The following CPNE8 variants were observed in gnomAD, a reference collection of about 807,000 sequenced individuals.
CPNE8 encodes the protein copine-8.
A neutral mutation model predicts 81.5 loss-of-function variants in CPNE8; 45 were observed. The observed-to-expected ratio is 0.55, with a 90% CI of 0.44 to 0.71. The LOEUF (loss-of-function observed/expected upper bound fraction) is 0.71. Among genes scored for constraint, CPNE8 ranks in the 30% least tolerant of loss-of-function variants. CPNE8 has a pLI of 0.00. For synonymous variants in CPNE8, 252 were observed against 226.3 expected (o/e 1.11, Z -1.02); for missense variants, 594 against 672.1 (o/e 0.88, Z 1.28).
intron 6 of CPNE8, among the ~76,000 whole-genome samples, chr12:38,817,449 C>T (rs572344464): frequency 1.3e-5 from 2 of 152,040 alleles, no homozygotes; most frequent in African/African-American, 4.8e-5. Flanking sequence ...GGGTAACAGA[C>T]ACCAGGAAGG....
chr12:38,664,131 A>T (rs886595235), intron 19 of CPNE8, among the ~76,000 whole-genome samples: 1 of 152,102 alleles, frequency 6.6e-6, no homozygotes, highest in Non-Finnish European at 1.5e-5. Context: ...CAGAATTTTG[A>T]ATGTGCCCAA....
At chr12:38,701,220 A>G (rs1412337241) in intron 14 of CPNE8, among the ~76,000 whole-genome samples, 1 of 152,142 alleles carries the variant, frequency 6.6e-6, no homozygotes, top group Non-Finnish European at 1.5e-5. Context: ...AGTTGTTAGA[A>G]TTTACCAGTG....
intron 16 of CPNE8, among the ~76,000 whole-genome samples, chr12:38,678,630 T>C (rs939768172): frequency 6.6e-6 from 1 of 151,902 alleles, no homozygotes; most frequent in African/African-American, 2.4e-5. Context: ...AAAACGTATG[T>C]CAGGGCACAA....
intron 6 of CPNE8, among the ~76,000 whole-genome samples, chr12:38,802,630 C>G (rs1241011741): frequency 1.3e-5 from 2 of 150,754 alleles, no homozygotes; most frequent in Non-Finnish European, 3.0e-5. Flanking sequence ...CATTCAAAAG[C>G]TGGCAGAAGG....
At chr12:38,785,471 C>T (rs1942163092) in intron 6 of CPNE8, among the ~76,000 whole-genome samples, 1 of 152,024 alleles carries the variant, frequency 6.6e-6, no homozygotes, top group African/African-American at 2.4e-5. Context: ...GTAATTGAAT[C>T]ATGAAGGCAG....
Position 38,839,906 on chromosome 12 carries a change from ATGAACTTACATGT to A in CPNE8, c.327_330+9del, listed in dbSNP as rs1943441441. 1 of 1,566,630 alleles carries A rather than the reference ATGAACTTACATGT, an allele frequency of 6.4e-7. No individual in the cohort carries two copies. The highest frequency in any genetic ancestry group is 8.7e-7 in the Non-Finnish European group (1 of 1,148,338). On this transcript the variant is annotated splice_donor_variant and splice_donor_5th_base_variant and coding_sequence_variant and intron_variant, in exon 5 of 20. Transcript: ENST00000331366. LOFTEE classifies it high-confidence loss of function. ...TATAATGTTATAAAAACATAAAAAT[ATGAACTTACATGT>A]TTGGATAAGTTGGGGCTCTTTGAAT...
chr12:38,813,675 G>A (rs1302113139), intron 6 of CPNE8, among the ~76,000 whole-genome samples: 1 of 152,164 alleles, frequency 6.6e-6, no homozygotes, highest in Non-Finnish European at 1.5e-5. Flanking sequence ...CAGGCAGTAG[G>A]TTTAAACTTT....
In CPNE8 at chr12:38,710,288, A is replaced by AAC. The variant is rs1555145903; in HGVS notation, c.915-7368_915-7367insGT. ...GCTAACAAAAAAAAAAAAAAAAAAA[A>AAC]CCAACCCCAAACCGAAACTGTAAGC... is the stretch of plus-strand genomic sequence containing the variant. On this transcript the variant is annotated intron_variant, in intron 13 of 19. Transcript: ENST00000331366. Among the ~76,000 whole-genome samples, 9 of 148,200 alleles carry AAC rather than the reference A, an allele frequency of 6.1e-5. No individual in the cohort carries two copies. In the East Asian group the frequency reaches 9.9e-4, roughly 16 times the overall value.
chr12:38,836,270 T>C (rs918011824), intron 5 of CPNE8, among the ~76,000 whole-genome samples: 1 of 152,160 alleles, frequency 6.6e-6, no homozygotes, highest in Non-Finnish European at 1.5e-5. Flanking sequence ...AAGATGTCCC[T>C]AGATTCCATA....
intron 13 of CPNE8, among the ~76,000 whole-genome samples, chr12:38,712,404 G>A (rs532801564): frequency 1.1e-4 from 16 of 151,692 alleles, no homozygotes; most frequent in South Asian, 2.1e-4. Context: ...ATGGAGATGC[G>A]GGCACATTAT....
chr12:38,845,346 A>C (rs933139084), intron 4 of CPNE8, among the ~76,000 whole-genome samples: 2 of 152,152 alleles, frequency 1.3e-5, no homozygotes, highest in Non-Finnish European at 2.9e-5. Flanking sequence ...TGCAAATTGC[A>C]ATTCTAATTA....
At chr12:38,696,197 C>T (rs911212629) in intron 14 of CPNE8, among the ~76,000 whole-genome samples, 1 of 152,106 alleles carries the variant, frequency 6.6e-6, no homozygotes, top group African/African-American at 2.4e-5. Flanking sequence ...AGTCTCTTCA[C>T]ATTACTGCTA....
At chr12:38,700,816 T>G (rs762456148) in intron 14 of CPNE8, among the ~76,000 whole-genome samples, 5 of 152,154 alleles carry the variant, frequency 3.3e-5, no homozygotes, top group Non-Finnish European at 7.4e-5. Context: ...TCATAAGATC[T>G]GATGGTCTTA....
intron 13 of CPNE8, among the ~76,000 whole-genome samples, chr12:38,709,497 G>GA (rs1291114336): frequency 1.3e-5 from 2 of 152,174 alleles, no homozygotes; most frequent in East Asian, 1.9e-4. Context: ...ACGTGATCTT[G>GA]AAAAAACTAT....
chr12:38,698,339 T>C (rs2136681843), intron 14 of CPNE8, among the ~76,000 whole-genome samples: 1 of 152,350 alleles, frequency 6.6e-6, no homozygotes, highest in South Asian at 2.1e-4. Flanking sequence ...CGAACATTTT[T>C]TCCATTTTGG....
intron 7 of CPNE8, among the ~76,000 whole-genome samples, chr12:38,769,575 G>C (rs1000060097): frequency 6.6e-6 from 1 of 152,066 alleles, no homozygotes; most frequent in African/African-American, 2.4e-5. Context: ...GGCTTTCTAA[G>C]AACATGGGGA....
At chr12:38,810,913 CA>C (rs1458832926) in intron 6 of CPNE8, among the ~76,000 whole-genome samples, 1 of 152,140 alleles carries the variant, frequency 6.6e-6, no homozygotes, top group African/African-American at 2.4e-5. Flanking sequence ...CTCATTCTTT[CA>C]ATCTCTTAGA....
chr12:38,694,707 C>T (rs1353501621), intron 14 of CPNE8, among the ~76,000 whole-genome samples: 1 of 152,074 alleles, frequency 6.6e-6, no homozygotes, highest in South Asian at 2.1e-4. Context: ...AACAAGTTGC[C>T]CTAATTACCA....
At chr12:38,799,761 A>G (rs1232928654) in intron 6 of CPNE8, among the ~76,000 whole-genome samples, 2 of 144,574 alleles carry the variant, frequency 1.4e-5, no homozygotes, top group Non-Finnish European at 1.6e-5. Context: ...TCATCTCACT[A>G]GGGAGTGCCA....
Sources: allele counts gnomAD v4.1 joint callset (sites outside exome capture counted in the v4.1 genomes callset), GRCh38; gene constraint gnomAD v4.1.1; transcripts MANE v1.5; gene names NCBI Gene and HGNC (gene_info 2026-07-23, HGNC 2026-07-21).